FER: variants seen among roughly 807,000 people sequenced by gnomAD.
The protein encoded by FER is tyrosine-protein kinase Fer.
In FER, 63 loss-of-function variants were observed where a neutral mutation model predicts 111.0. The ratio of observed to expected loss-of-function variants is 0.57; its 90% CI spans 0.46 to 0.70. The LOEUF (loss-of-function observed/expected upper bound fraction) is 0.70. Among genes scored for constraint, FER ranks in the 30% least tolerant of loss-of-function variants. The probability of loss-of-function intolerance (pLI) is 0.00; values close to 1 mark genes in which losing one functional copy is unlikely to be tolerated. For synonymous variants in FER, 327 were observed against 313.9 expected, an observed-to-expected ratio of 1.04 and a Z score of -0.44; for missense variants, 914 against 954.0, an observed-to-expected ratio of 0.96 and a Z score of 0.55.
At chr5:109,041,401 C>A (rs1038494899) in intron 14 of FER, among the ~76,000 whole-genome samples, 13 of 151,370 alleles carry the variant, frequency 8.6e-5, no homozygotes, top group Non-Finnish European at 1.6e-4. Context: ...GTGATAGAAC[C>A]GAAAGATTGG....
intron 13 of FER, among the ~76,000 whole-genome samples, chr5:109,002,575 T>C (rs1308820972): frequency 5.9e-5 from 9 of 152,248 alleles, no homozygotes; most frequent in East Asian, 3.9e-4. Context: ...AAGGACTTCA[T>C]GTCTAGAACA....
chr5:109,052,116 C>A (rs1772924813), intron 16 of FER: 7 of 1,605,368 alleles, frequency 4.4e-6, no homozygotes, highest in Non-Finnish European at 3.4e-6. Context: ...TTTGGGCAAC[C>A]TTGAGTTCCT....
intron 5 of FER, among the ~76,000 whole-genome samples, chr5:108,845,067 T>TATACATATATATATATATACAC (rs1486282738): frequency 3.0e-4 from 16 of 53,882 alleles, no homozygotes; most frequent in Non-Finnish European, 5.2e-4. Context: ...TATATATATA[T>TATACATATATATATATATACAC]ACACACACAC....
rs955901290 is a variant in FER at position 108,977,518 on chromosome 5, A to G, written c.1656+18171A>G. Reference sequence around the variant, plus strand: ...CACACAGTTCAAACCTATGTAGTTCAAGGGTCAACTGTATAATAATATAGA... The same window carrying G: ...CACACAGTTCAAACCTATGTAGTTCGAGGGTCAACTGTATAATAATATAGA... On this transcript the variant is annotated intron_variant, in intron 13 of 19. Coordinates refer to ENST00000281092, the MANE Select transcript of FER (RefSeq NM_005246.4). 2.6e-5 allele frequency among the ~76,000 whole-genome samples: 4 copies of G among 152,214 alleles called. No homozygotes were observed. In the East Asian group the frequency reaches 7.7e-4, roughly 29 times the overall value.
At chr5:109,151,561 G>A (rs954140886) in intron 17 of FER, among the ~76,000 whole-genome samples, 1 of 152,114 alleles carries the variant, frequency 6.6e-6, no homozygotes, top group Non-Finnish European at 1.5e-5. Context: ...GGCATTTGCT[G>A]TAGTAGAAAT....
intron 1 of FER, among the ~76,000 whole-genome samples, chr5:108,754,181 C>T (rs757059415): frequency 2.0e-5 from 3 of 151,844 alleles, no homozygotes; most frequent in African/African-American, 4.8e-5. Flanking sequence ...GAGGCTGAAA[C>T]GAGAGGATCA....
intron 4 of FER, among the ~76,000 whole-genome samples, chr5:108,834,056 A>T (rs954422551): frequency 1.3e-5 from 2 of 152,178 alleles, no homozygotes; most frequent in Non-Finnish European, 2.9e-5. Context: ...TTTAAAAAAT[A>T]TGTAGGTTCT....
At chr5:108,935,999 C>G (rs965943129) in intron 10 of FER, among the ~76,000 whole-genome samples, 1 of 151,934 alleles carries the variant, frequency 6.6e-6, no homozygotes, top group Non-Finnish European at 1.5e-5. Flanking sequence ...CTGTGTCTTG[C>G]AAGAACTATT....
intron 10 of FER, among the ~76,000 whole-genome samples, chr5:108,929,186 C>T (rs748653301): frequency 6.6e-6 from 1 of 152,004 alleles, no homozygotes; most frequent in Non-Finnish European, 1.5e-5. Flanking sequence ...ATATATCCTG[C>T]AGTAATTAGT....
intron 16 of FER, among the ~76,000 whole-genome samples, chr5:109,058,697 C>G (rs1355014827): frequency 2.0e-5 from 2 of 102,032 alleles, no homozygotes; most frequent in Non-Finnish European, 4.2e-5. Flanking sequence ...TTTGTGCTAT[C>G]TTCTTTTTCT....
chr5:108,905,587 T>C (rs1256689575), intron 10 of FER, among the ~76,000 whole-genome samples: 1 of 152,028 alleles, frequency 6.6e-6, no homozygotes, highest in East Asian at 1.9e-4. Flanking sequence ...TGTAATGGGG[T>C]TTTTTGGGAA....
At chr5:108,969,172 A>G (rs1300261078) in intron 13 of FER, among the ~76,000 whole-genome samples, 2 of 152,172 alleles carry the variant, frequency 1.3e-5, no homozygotes, top group Non-Finnish European at 2.9e-5. Flanking sequence ...ATTCAGCAAT[A>G]ACACTTTTAC....
intron 1 of FER, among the ~76,000 whole-genome samples, chr5:108,754,426 A>C (rs1386865000): frequency 4.2e-5 from 6 of 144,516 alleles, no homozygotes; most frequent in African/African-American, 1.5e-4. Flanking sequence ...AAAAAAAAAA[A>C]AAAATAGTGT....
At chr5:109,122,602 G>A (rs150811862) in intron 17 of FER, among the ~76,000 whole-genome samples, 10 of 152,026 alleles carry the variant, frequency 6.6e-5, no homozygotes, top group South Asian at 2.1e-4. Flanking sequence ...ATATAGTGCC[G>A]ATTAAGTTCA....
chr5:108,785,468 C>T (rs1035537531), intron 2 of FER: 1 of 574,996 alleles, frequency 1.7e-6, no homozygotes. Flanking sequence ...GTGTACCTCC[C>T]TGGCCTGGTC....
intron 16 of FER, among the ~76,000 whole-genome samples, chr5:109,096,921 A>C (rs1032286323): frequency 6.7e-6 from 1 of 150,004 alleles, no homozygotes; most frequent in African/African-American, 2.4e-5. Flanking sequence ...CAACAATAAT[A>C]GTAATAGTAT....
At chr5:108,914,933 A>G (rs773048621) in intron 10 of FER, among the ~76,000 whole-genome samples, 1 of 152,212 alleles carries the variant, frequency 6.6e-6, no homozygotes, top group Non-Finnish European at 1.5e-5. Flanking sequence ...TTTCTGTGGT[A>G]TAGCCAGGAA....
intron 6 of FER, among the ~76,000 whole-genome samples, chr5:108,869,166 T>A (rs184617728): frequency 6.1e-4 from 93 of 152,302 alleles, no homozygotes; most frequent in African/African-American, 2.2e-3. Context: ...ATTTCATTTA[T>A]AGACTACATT....
rs1746728308 is a variant in FER, at chr5:108,884,323, G to T, written c.1046+805G>T. ...TATCCTCCACTTATTTCAGATCTCTGATTACTTATCTCCCTCATCATAGTG... is the reference window on the plus strand; with the variant it reads ...TATCCTCCACTTATTTCAGATCTCTTATTACTTATCTCCCTCATCATAGTG... On this transcript the variant is annotated intron_variant, in intron 9 of 19. Coordinates refer to ENST00000281092, the MANE Select transcript of FER (RefSeq NM_005246.4). 2.6e-5 allele frequency among the ~76,000 whole-genome samples: 4 copies of T among 151,922 alleles called. No individual in the cohort carries two copies. In the South Asian group the frequency reaches 8.3e-4, roughly 32 times the overall value.
Sources: gnomAD v4.1 joint callset for allele counts (sites outside exome capture counted in the v4.1 genomes callset) on GRCh38, gnomAD v4.1.1 for gene constraint, MANE v1.5 for transcripts, NCBI Gene and HGNC (gene_info 2026-07-23, HGNC 2026-07-21) for gene names.